KIF26B: variants seen among roughly 807,000 people sequenced by gnomAD.
The protein encoded by KIF26B is kinesin family member 26B, also known as kinesin-like protein KIF26B.
A neutral mutation model predicts 151.2 loss-of-function variants in KIF26B; 63 were observed. That is an observed-to-expected ratio of 0.42 (90% CI 0.34 to 0.51). The LOEUF is 0.51. Ranked by LOEUF, KIF26B falls within the 20% of genes least tolerant of loss-of-function variation. The probability of loss-of-function intolerance (pLI) is 0.07; values close to 1 mark genes in which losing one functional copy is unlikely to be tolerated. For synonymous variants in KIF26B, 1,357 were observed against 1,262.1 expected, an observed-to-expected ratio of 1.08 and a Z score of -1.59; for missense variants, 2,813 against 2,913.6, an observed-to-expected ratio of 0.97 and a Z score of 0.79.
rs1343927219 is a variant in KIF26B, at chr1:245,688,459, G to A, written c.5476G>A (p.Gly1826Arg). 2 of 1,367,814 alleles carry A rather than the reference G, an allele frequency of 1.5e-6. No homozygotes were observed. Among genetic ancestry groups the A allele is most frequent in the Non-Finnish European group, 9.3e-7 (1 of 1,072,044 alleles). 84.7% of individuals were successfully genotyped at this position (1,367,814 alleles called of 1,614,324 possible). A position where few individuals can be genotyped will look rare whatever the true frequency, so the allele number is the denominator to read the frequency against. Residue 1826 changes from glycine (G) to arginine (R), a missense_variant, in exon 12 of 15, where the codon GGG becomes AGG. Gly to Arg is a moderately radical substitution (Grantham distance 125). Transcript: ENST00000407071. ...AGARGLQLRA[G>R]PEAEARGGAL... is the part of the protein sequence containing the mutation. ...CGCCCGGGGCTTGCAGCTGCGGGCC[G>A]GGCCCGAGGCGGAGGCGCGCGGGGG...
chr1:245,231,197 A>C (rs1393380531), intron 2 of KIF26B, among the ~76,000 whole-genome samples: 2 of 152,176 alleles, frequency 1.3e-5, no homozygotes, highest in Non-Finnish European at 2.9e-5. Context: ...AAGAACAAGC[A>C]GATGGAATAA....
At chr1:245,215,506 A>G (rs1390297293) in intron 2 of KIF26B, among the ~76,000 whole-genome samples, 1 of 152,070 alleles carries the variant, frequency 6.6e-6, no homozygotes, top group African/African-American at 2.4e-5. Context: ...ACCCTCTTCC[A>G]TTTCTGAAAG....
intron 2 of KIF26B, among the ~76,000 whole-genome samples, chr1:245,340,697 T>C (rs888253101): frequency 2.9e-4 from 44 of 152,302 alleles, no homozygotes; most frequent in Non-Finnish European, 6.0e-4. Flanking sequence ...TATATTCCAA[T>C]GAAGATAAGA....
intron 4 of KIF26B, among the ~76,000 whole-genome samples, chr1:245,500,628 T>G (rs1454494527): frequency 6.6e-6 from 1 of 152,242 alleles, no homozygotes; most frequent in Non-Finnish European, 1.5e-5. Context: ...TGAGGGTTCC[T>G]TCCAAACTCT....
chr1:245,288,957 C>G (rs1276409416), intron 2 of KIF26B, among the ~76,000 whole-genome samples: 2 of 152,006 alleles, frequency 1.3e-5, no homozygotes, highest in African/African-American at 4.8e-5. Flanking sequence ...AATAACCTTC[C>G]ATGCCTATGA....
At chr1:245,604,214 G>A (rs955815028) in intron 6 of KIF26B, among the ~76,000 whole-genome samples, 32 of 152,194 alleles carry the variant, frequency 2.1e-4, no homozygotes, top group African/African-American at 7.5e-4. Flanking sequence ...ATTAAACAGT[G>A]TATAGGATAA....
chr1:245,240,257 CG>C (rs1273061556), intron 2 of KIF26B, among the ~76,000 whole-genome samples: 2 of 152,134 alleles, frequency 1.3e-5, no homozygotes, highest in African/African-American at 4.8e-5. Flanking sequence ...AGTCCACTTT[CG>C]CCGCTTCCAT....
At chr1:245,231,499 G>A (rs1359976929) in intron 2 of KIF26B, among the ~76,000 whole-genome samples, 1 of 152,092 alleles carries the variant, frequency 6.6e-6, no homozygotes, top group Non-Finnish European at 1.5e-5. Flanking sequence ...CTGGGTGACA[G>A]AGCAAGACTT....
At chr1:245,346,373 T>C (rs1341886470) in intron 2 of KIF26B, among the ~76,000 whole-genome samples, 1 of 152,180 alleles carries the variant, frequency 6.6e-6, no homozygotes, top group African/African-American at 2.4e-5. Flanking sequence ...CCACGTTTGG[T>C]GCTAGCGCCT....
chr1:245,376,772 C>G (rs1673286155), intron 3 of KIF26B, among the ~76,000 whole-genome samples: 1 of 152,208 alleles, frequency 6.6e-6, no homozygotes, highest in Admixed American at 6.5e-5. Flanking sequence ...ACTCCAACCT[C>G]CGCCTCCTAG....
chr1:245,298,909 T>C (rs1346266159), intron 2 of KIF26B, among the ~76,000 whole-genome samples: 1 of 152,188 alleles, frequency 6.6e-6, no homozygotes, highest in Non-Finnish European at 1.5e-5. Flanking sequence ...GACCAGGATC[T>C]GGGTGACTCT....
intron 2 of KIF26B, among the ~76,000 whole-genome samples, chr1:245,157,051 CA>C (rs1255128486): frequency 6.6e-6 from 1 of 151,662 alleles, no homozygotes; most frequent in Non-Finnish European, 1.5e-5. Context: ...TGATCCTTTA[CA>C]AAAATGTCAG....
intron 2 of KIF26B, among the ~76,000 whole-genome samples, chr1:245,195,111 T>C (rs1432566135): frequency 2.0e-5 from 3 of 152,216 alleles, no homozygotes; most frequent in Admixed American, 2.0e-4. Context: ...GGGATTCCTT[T>C]ACACACATCC....
At chr1:245,235,479 G>T (rs1476175713) in intron 2 of KIF26B, among the ~76,000 whole-genome samples, 2 of 151,710 alleles carry the variant, frequency 1.3e-5, no homozygotes, top group Admixed American at 6.6e-5. Context: ...TTTAATTCTA[G>T]CTACTCAGGA....
Position 245,704,333 on chromosome 1 carries a change from A to T in KIF26B, c.*1727A>T, listed in dbSNP as rs1177230911. 1 of 152,194 alleles carries T rather than the reference A, an allele frequency of 6.6e-6. No homozygotes were observed. The allele number at this position is 152,194 out of a possible 1,614,324, so 9.4% of individuals were successfully genotyped here. On this transcript the variant is annotated 3_prime_UTR_variant, in exon 15 of 15. Transcript: ENST00000407071. ...AAACACTACGTTTCTTGGTCAGTGT[A>T]CCTCTGGACACTGCAGCCCACACAG...
rs192359722 is a variant in KIF26B at position 245,470,902 on chromosome 1, C to T, written c.1166+51157C>T. On this transcript the variant is annotated intron_variant, in intron 4 of 14. Coordinates refer to ENST00000407071, the MANE Select transcript of KIF26B (RefSeq NM_018012.4). ...TACAATTTCATCAATTTCATATTCT[C>T]TCTCTCTCTCCTCTCATAGGTATAT... Among the ~76,000 whole-genome samples the T allele has an allele frequency of 3.1e-3, 474 of 152,214 alleles. 4 individuals carry two copies. The highest frequency in any genetic ancestry group is 0.011 in the African/African-American group (439 of 41,534).
At chr1:245,567,778 T>G (rs1461293624) in intron 5 of KIF26B, among the ~76,000 whole-genome samples, 2 of 152,176 alleles carry the variant, frequency 1.3e-5, no homozygotes, top group East Asian at 3.9e-4. Context: ...TTTTCAGTAC[T>G]AACAGTGCAA....
intron 2 of KIF26B, among the ~76,000 whole-genome samples, chr1:245,261,508 CCT>C (rs1366840979): frequency 1.4e-3 from 154 of 109,222 alleles, no homozygotes; most frequent in African/African-American, 3.6e-3. Flanking sequence ...TCTCTCCCTC[CCT>C]CCCTCCCTCC....
At chr1:245,415,698 T>C (rs1674398817) in intron 3 of KIF26B, among the ~76,000 whole-genome samples, 1 of 152,164 alleles carries the variant, frequency 6.6e-6, no homozygotes. Context: ...AAGTTGCTTT[T>C]GGAGCACTAT....
Sources: gnomAD v4.1 joint callset for allele counts (sites outside exome capture counted in the v4.1 genomes callset) on GRCh38, gnomAD v4.1.1 for gene constraint, MANE v1.5 for transcripts, NCBI Gene and HGNC (gene_info 2026-07-23, HGNC 2026-07-21) for gene names.